Variants in DOCK4 observed in about 807,000 individuals in gnomAD.
DOCK4 encodes the protein dedicator of cytokinesis 4, also known as dedicator of cytokinesis protein 4.
Under a neutral mutation model 268.1 loss-of-function variants are expected in DOCK4, and 97 were observed. The ratio of observed to expected loss-of-function variants is 0.36; its 90% CI spans 0.31 to 0.43. The LOEUF is 0.43. Ranked by LOEUF, DOCK4 falls within the 20% of genes least tolerant of loss-of-function variation. The pLI is 1.00. For synonymous variants in DOCK4, 954 were observed against 887.2 expected, an observed-to-expected ratio of 1.08 and a Z score of -1.34; for missense variants, 2,145 against 2,455.7, an observed-to-expected ratio of 0.87 and a Z score of 2.67.
chr7:112,043,459 C>G (rs931675979), intron 1 of DOCK4, among the ~76,000 whole-genome samples: 4 of 150,044 alleles, frequency 2.7e-5, no homozygotes, highest in Non-Finnish European at 4.4e-5. Flanking sequence ...TGTAGATAAC[C>G]AAGACATTGC....
At chr7:112,023,218 G>A (rs367747139) in intron 1 of DOCK4, among the ~76,000 whole-genome samples, 6 of 152,252 alleles carry the variant, frequency 3.9e-5, no homozygotes, top group African/African-American at 1.2e-4. Flanking sequence ...GTGAGGCACC[G>A]TGTCCAGCTG....
intron 1 of DOCK4, among the ~76,000 whole-genome samples, chr7:112,147,795 A>AT (rs553280609): frequency 0.013 from 1,338 of 102,870 alleles, 22 homozygotes; most frequent in Non-Finnish European, 0.017. Flanking sequence ...GCAAACGTAG[A>AT]TTTTTTTTTT....
intron 27 of DOCK4, among the ~76,000 whole-genome samples, chr7:111,814,109 T>C (rs1442360966): frequency 1.3e-5 from 2 of 152,190 alleles, no homozygotes; most frequent in East Asian, 1.9e-4. Flanking sequence ...ATATGACATA[T>C]CTGGAATTTA....
intron 30 of DOCK4, among the ~76,000 whole-genome samples, chr7:111,804,214 T>C (rs1000576373): frequency 1.3e-5 from 2 of 152,124 alleles, no homozygotes. Context: ...AATGAATGAA[T>C]AAAGAAAATG....
chr7:111,989,158 A>G lies in DOCK4; in HGVS notation c.321T>C (p.Asn107=). 4 of 1,613,984 alleles carry G rather than the reference A, an allele frequency of 2.5e-6. No homozygotes were observed. The highest frequency in any genetic ancestry group is 1.6e-4 in the Middle Eastern group (1 of 6,062). ...ACAGCCGGTGGAAGAGATCGCCTTC[A>G]TTACGCTAAGAAATATACAAATGTG... ...GTMWKQLYVR[N]EGDLFHRLWH... The change falls in exon 6 of 53, where the codon AAT becomes AAC. Residue 107 remains asparagine, a synonymous_variant. Coordinates refer to ENST00000428084, the MANE Select transcript of DOCK4 (RefSeq NM_001363540.2).
At chr7:111,830,915 G>A (rs1288172395) in intron 26 of DOCK4, among the ~76,000 whole-genome samples, 3 of 151,788 alleles carry the variant, frequency 2.0e-5, no homozygotes, top group African/African-American at 7.3e-5. Flanking sequence ...CGACCTCCTT[G>A]CAGTAGCAGG....
At chr7:111,825,474 CATAG>C (rs2133983551) in intron 26 of DOCK4, among the ~76,000 whole-genome samples, 1 of 149,074 alleles carries the variant, frequency 6.7e-6, no homozygotes, top group South Asian at 2.2e-4. Context: ...TGTGTTTTTG[CATAG>C]ATAGATGTGG....
intron 20 of DOCK4, 39 bp from the exon 21 acceptor site, chr7:111,869,694 T>G (rs1265235708): frequency 6.3e-7 from 1 of 1,578,608 alleles, no homozygotes; most frequent in East Asian, 2.3e-5. Flanking sequence ...GTAAAATTGG[T>G]CTAATTCTCA....
At position 111,914,887 on chromosome 7, in the gene DOCK4, T is replaced by C. The variant is rs1019739505; in HGVS notation, c.1192+892A>G. On this transcript the variant is annotated intron_variant, in intron 13 of 52. Coordinates refer to ENST00000428084, the MANE Select transcript of DOCK4 (RefSeq NM_001363540.2). ...CCCAGTATTTGGAAGAATGCCTTTG[T>C]ACATAGAAAGTGCTAAATATTTATT... 2.0e-5 allele frequency among the ~76,000 whole-genome samples: 3 copies of C among 152,242 alleles called. No homozygotes were observed. The East Asian group carries it at 5.8e-4, about 29-fold the overall frequency.
intron 1 of DOCK4, among the ~76,000 whole-genome samples, chr7:112,194,480 C>A (rs530304666): frequency 4.7e-4 from 72 of 152,336 alleles, no homozygotes; most frequent in African/African-American, 1.6e-3. Flanking sequence ...AGTGACATCA[C>A]AGGCAGTCAA....
At chr7:112,079,410 C>G (rs1808381578) in intron 1 of DOCK4, among the ~76,000 whole-genome samples, 1 of 152,140 alleles carries the variant, frequency 6.6e-6, no homozygotes. Flanking sequence ...CTCAGCTAAT[C>G]CATGGGTCAC....
intron 1 of DOCK4, among the ~76,000 whole-genome samples, chr7:112,066,992 A>G (rs1014922139): frequency 1.3e-5 from 2 of 148,668 alleles, no homozygotes; most frequent in Admixed American, 1.3e-4. Context: ...ACACACACAC[A>G]CACAAAAAAA....
At chr7:112,024,409 A>G (rs1802595272) in intron 1 of DOCK4, among the ~76,000 whole-genome samples, 2 of 152,060 alleles carry the variant, frequency 1.3e-5, no homozygotes, top group South Asian at 4.2e-4. Flanking sequence ...TCAACCCACA[A>G]TCCAAAATCT....
At chr7:111,863,620 T>C in intron 22 of DOCK4, 56 bp from the exon 23 acceptor site, 1 of 1,488,138 alleles carries the variant, frequency 6.7e-7, no homozygotes, top group Non-Finnish European at 9.0e-7. Flanking sequence ...AGAAATATGC[T>C]GCAAAACGTC....
intron 27 of DOCK4, among the ~76,000 whole-genome samples, chr7:111,815,082 A>G (rs1676069883): frequency 6.6e-6 from 1 of 152,228 alleles, no homozygotes. Context: ...ATTTTACTTG[A>G]TAAGCCAATA....
At chr7:111,944,075 C>A (rs1284747749) in intron 10 of DOCK4, among the ~76,000 whole-genome samples, 2 of 152,132 alleles carry the variant, frequency 1.3e-5, no homozygotes, top group African/African-American at 4.8e-5. Context: ...TCACCTAATT[C>A]CTCTGCCATA....
chr7:111,752,278 A>G (rs1264677672), intron 42 of DOCK4, among the ~76,000 whole-genome samples: 2 of 152,104 alleles, frequency 1.3e-5, no homozygotes, highest in East Asian at 3.9e-4. Flanking sequence ...GTATGCTATA[A>G]CTTAAGTTTA....
intron 23 of DOCK4, among the ~76,000 whole-genome samples, chr7:111,852,180 T>A (rs2134122894): frequency 6.6e-6 from 1 of 152,172 alleles, no homozygotes. Context: ...CCCAGGCTGG[T>A]CTTGAACTCC....
intron 1 of DOCK4, among the ~76,000 whole-genome samples, chr7:112,061,988 T>G (rs1042401120): frequency 1.7e-4 from 26 of 152,182 alleles, no homozygotes; most frequent in Non-Finnish European, 5.9e-5. Flanking sequence ...ACCTGTGCAG[T>G]AGGTACAATT....
Sources: gnomAD v4.1 joint callset for allele counts (sites outside exome capture counted in the v4.1 genomes callset) on GRCh38, gnomAD v4.1.1 for gene constraint, MANE v1.5 for transcripts, NCBI Gene and HGNC (gene_info 2026-07-23, HGNC 2026-07-21) for gene names.